The following SUPT3H variants were observed in gnomAD, a reference collection of about 807,000 sequenced individuals.
SUPT3H encodes SPT3 homolog, SAGA and STAGA complex component.
SUPT3H carries 44 observed loss-of-function variants against 44.3 expected under a neutral mutation model. The ratio of observed to expected loss-of-function variants is 0.99; its 90% CI spans 0.78 to 1.28. SUPT3H has a LOEUF of 1.28. SUPT3H is among the 50% of genes most tolerant of loss of function. SUPT3H has a pLI of 0.00. For missense variants in SUPT3H, 380 were observed against 387.1 expected, an observed-to-expected ratio of 0.98 and a Z score of 0.15; for synonymous variants, 124 against 125.6, an observed-to-expected ratio of 0.99 and a Z score of 0.09.
intron 10 of SUPT3H, among the ~76,000 whole-genome samples, chr6:44,923,785 G>A (rs1437175906): frequency 6.6e-6 from 1 of 151,760 alleles, no homozygotes; most frequent in Non-Finnish European, 1.5e-5. Context: ...AATGAGATAA[G>A]ATCTCTCTTC....
intron 3 of SUPT3H, among the ~76,000 whole-genome samples, chr6:45,073,772 T>C (rs1003369467): frequency 1.3e-5 from 2 of 152,020 alleles, no homozygotes; most frequent in African/African-American, 4.8e-5. Context: ...GTTTCTTTAC[T>C]ATCAGCTATG....
chr6:45,281,171 C>G (rs909730128), intron 2 of SUPT3H, among the ~76,000 whole-genome samples: 7 of 152,184 alleles, frequency 4.6e-5, no homozygotes, highest in African/African-American at 9.7e-5. Flanking sequence ...ATGAGCAATG[C>G]AGAAGACGGG....
chr6:44,958,070 C>A (rs1158374714), intron 7 of SUPT3H, among the ~76,000 whole-genome samples: 1 of 152,154 alleles, frequency 6.6e-6, no homozygotes, highest in Non-Finnish European at 1.5e-5. Context: ...TCTCCTTCGC[C>A]CCTCTTCCCA....
chr6:45,323,345 G>A (rs1562953406), intron 2 of SUPT3H, among the ~76,000 whole-genome samples: 2 of 151,954 alleles, frequency 1.3e-5, no homozygotes, highest in East Asian at 1.9e-4. Flanking sequence ...ATTTATAAAC[G>A]GAAACCTTAA....
chr6:45,232,089 G>A (rs980567122), intron 2 of SUPT3H, among the ~76,000 whole-genome samples: 1 of 151,802 alleles, frequency 6.6e-6, no homozygotes, highest in East Asian at 1.9e-4. Flanking sequence ...ATTTTTGATT[G>A]GGATCTATTG....
At chr6:44,926,421 C>G (rs975294335) in intron 10 of SUPT3H, among the ~76,000 whole-genome samples, 12 of 152,024 alleles carry the variant, frequency 7.9e-5, no homozygotes, top group African/African-American at 2.7e-4. Flanking sequence ...AAAATACCTG[C>G]AACAAACCTG....
intron 2 of SUPT3H, among the ~76,000 whole-genome samples, chr6:45,165,799 T>C (rs1198037144): frequency 4.7e-5 from 7 of 149,058 alleles, no homozygotes; most frequent in Admixed American, 1.3e-4. Flanking sequence ...TCTAAACCGA[T>C]AAACAAAGGG....
intron 7 of SUPT3H, among the ~76,000 whole-genome samples, chr6:44,957,131 C>T (rs1178041201): frequency 6.6e-6 from 1 of 151,964 alleles, no homozygotes; most frequent in Non-Finnish European, 1.5e-5. Flanking sequence ...CTTTATAATC[C>T]ACTGATTATT....
At chr6:45,286,401 A>G (rs1470366035) in intron 2 of SUPT3H, among the ~76,000 whole-genome samples, 1 of 152,142 alleles carries the variant, frequency 6.6e-6, no homozygotes, top group Non-Finnish European at 1.5e-5. Flanking sequence ...AATTTACAAG[A>G]AAAAACAACC....
At chr6:44,964,059 C>T (rs894748802) in intron 6 of SUPT3H, among the ~76,000 whole-genome samples, 22 of 151,918 alleles carry the variant, frequency 1.4e-4, no homozygotes, top group Admixed American at 1.2e-3. Flanking sequence ...ATAATACTAA[C>T]GTTAATTTGT....
chr6:45,027,645 C>T (rs1293850897), intron 3 of SUPT3H, among the ~76,000 whole-genome samples: 1 of 152,178 alleles, frequency 6.6e-6, no homozygotes, highest in Admixed American at 6.5e-5. Context: ...CGGATTCAAA[C>T]TACAACATCT....
intron 3 of SUPT3H, among the ~76,000 whole-genome samples, chr6:45,035,555 T>C (rs939954458): frequency 3.9e-5 from 6 of 152,172 alleles, no homozygotes; most frequent in African/African-American, 1.4e-4. Flanking sequence ...ATGCCATTCA[T>C]GTACAGACTC....
At chr6:45,124,468 A>C (rs906619703) in intron 2 of SUPT3H, among the ~76,000 whole-genome samples, 1 of 150,302 alleles carries the variant, frequency 6.7e-6, no homozygotes, top group Non-Finnish European at 1.5e-5. Flanking sequence ...ATATGGTGAA[A>C]CCCCCCCCTC....
chr6:44,933,176 G>C (rs1472400629), intron 9 of SUPT3H, among the ~76,000 whole-genome samples: 2 of 151,942 alleles, frequency 1.3e-5, no homozygotes, highest in African/African-American at 4.8e-5. Flanking sequence ...ATAACTTGAG[G>C]GTCATCAACT....
chr6:45,081,477 T>C (rs1463872201), intron 3 of SUPT3H, among the ~76,000 whole-genome samples: 3 of 152,134 alleles, frequency 2.0e-5, no homozygotes, highest in Non-Finnish European at 4.4e-5. Context: ...CATTTACTTA[T>C]TGTCCTTCTT....
intron 2 of SUPT3H, among the ~76,000 whole-genome samples, chr6:45,226,673 A>G (rs1334359925): frequency 6.6e-6 from 1 of 152,118 alleles, no homozygotes; most frequent in African/African-American, 2.4e-5. Context: ...CTGGGATTTC[A>G]GGCCCATGCC....
At chr6:44,982,655 T>A (rs1779260560) in intron 6 of SUPT3H, among the ~76,000 whole-genome samples, 1 of 150,160 alleles carries the variant, frequency 6.7e-6, no homozygotes, top group Admixed American at 6.8e-5. Context: ...CTCTCCTGTA[T>A]CAACTTTGTA....
chr6:45,123,432 G>A (rs1235014270), intron 2 of SUPT3H, among the ~76,000 whole-genome samples: 3 of 150,012 alleles, frequency 2.0e-5, no homozygotes, highest in Non-Finnish European at 4.4e-5. Flanking sequence ...GGAGTGCAGT[G>A]GTGTGATCAT....
At chr6:45,158,298 A>ATATATATATTTTTTTTTT in intron 2 of SUPT3H, among the ~76,000 whole-genome samples, 13 of 99,688 alleles carry the variant, frequency 1.3e-4, no homozygotes, top group African/African-American at 6.5e-4. Context: ...ATATATATAT[A>ATATATATATTTTTTTTTT]TTTTTTTTTT....
Sources: gnomAD v4.1 joint callset for allele counts (sites outside exome capture counted in the v4.1 genomes callset) on GRCh38, gnomAD v4.1.1 for gene constraint, MANE v1.5 for transcripts, NCBI Gene and HGNC (gene_info 2026-07-23, HGNC 2026-07-21) for gene names.